CPA6: variants seen among roughly 807,000 people sequenced by gnomAD.
The protein encoded by CPA6 is carboxypeptidase B.
CPA6 carries 58 observed loss-of-function variants against 63.3 expected under a neutral mutation model. The observed-to-expected ratio is 0.92, with a 90% CI of 0.74 to 1.14. The LOEUF is 1.14. CPA6 is among the 50% of genes most tolerant of loss of function. CPA6 has a pLI of 0.00. For synonymous variants in CPA6, 185 were observed against 179.0 expected, an observed-to-expected ratio of 1.03 and a Z score of -0.27; for missense variants, 565 against 526.6, an observed-to-expected ratio of 1.07 and a Z score of -0.71.
At chr8:67,558,304 T>C (rs936436531) in intron 2 of CPA6, among the ~76,000 whole-genome samples, 2 of 152,184 alleles carry the variant, frequency 1.3e-5, no homozygotes, top group African/African-American at 4.8e-5. Context: ...ATATAATCCG[T>C]TTATTTCTTT....
At chr8:67,669,252 CAG>C (rs78347052) in intron 1 of CPA6, among the ~76,000 whole-genome samples, 7,861 of 152,232 alleles carry the variant, frequency 0.052, 210 homozygotes, top group African/African-American at 0.068. Flanking sequence ...CTTTTATTAC[CAG>C]AGACTGTAAC....
intron 8 of CPA6, among the ~76,000 whole-genome samples, chr8:67,435,006 G>A (rs1383204958): frequency 6.6e-6 from 1 of 152,194 alleles, no homozygotes; most frequent in Non-Finnish European, 1.5e-5. Flanking sequence ...GAGAGCTCCT[G>A]GTGTCAAGGA....
chr8:67,733,235 T>C (rs1817748819), intron 1 of CPA6, among the ~76,000 whole-genome samples: 1 of 131,050 alleles, frequency 7.6e-6, no homozygotes, highest in Non-Finnish European at 1.6e-5. Flanking sequence ...TAAAAAAATT[T>C]AGCGTCTATC....
intron 8 of CPA6, among the ~76,000 whole-genome samples, chr8:67,434,774 C>A (rs1326336285): frequency 6.6e-6 from 1 of 152,238 alleles, no homozygotes; most frequent in Non-Finnish European, 1.5e-5. Context: ...CCTTCCTCAG[C>A]CTGTCGGGAG....
intron 1 of CPA6, among the ~76,000 whole-genome samples, chr8:67,645,721 G>A (rs1462808737): frequency 6.6e-6 from 1 of 152,104 alleles, no homozygotes; most frequent in Non-Finnish European, 1.5e-5. Context: ...TTATTGTGTT[G>A]GAACAAATAT....
At chr8:67,445,283 A>C (rs1810386667) in intron 8 of CPA6, among the ~76,000 whole-genome samples, 1 of 152,164 alleles carries the variant, frequency 6.6e-6, no homozygotes, top group Admixed American at 6.5e-5. Flanking sequence ...GTATAGATGA[A>C]AAAAGAAAAA....
At chr8:67,723,422 C>T (rs1252031413) in intron 1 of CPA6, among the ~76,000 whole-genome samples, 1 of 152,176 alleles carries the variant, frequency 6.6e-6, no homozygotes, top group Non-Finnish European at 1.5e-5. Flanking sequence ...CCTCTTTGGC[C>T]TCCCAAAGTG....
Position 67,746,197 on chromosome 8 carries a change from C to A in CPA6, c.-68G>T. ...CCGAGGCTGGAGGTGGCTCACAGCA[C>A]CCTCTACACACCGCACAGGTTCTCC... On this transcript the variant is annotated 5_prime_UTR_variant, in exon 1 of 11. Transcript: ENST00000297770. 1.8e-6 allele frequency: 2 copies of A among 1,138,698 alleles called. No individual in the cohort carries two copies. The highest frequency in any genetic ancestry group is 2.6e-6 in the Non-Finnish European group (2 of 776,532). 70.5% of individuals were successfully genotyped at this position (1,138,698 alleles called of 1,614,324 possible). A position where few individuals can be genotyped will look rare whatever the true frequency, so the allele number is the denominator to read the frequency against.
At chr8:67,623,368 G>A (rs1476593292) in intron 2 of CPA6, among the ~76,000 whole-genome samples, 1 of 151,964 alleles carries the variant, frequency 6.6e-6, no homozygotes, top group East Asian at 1.9e-4. Context: ...ATTCTACCTT[G>A]GAGATGGGTA....
chr8:67,455,779 A>G (rs983965740), intron 8 of CPA6, among the ~76,000 whole-genome samples: 1 of 150,382 alleles, frequency 6.6e-6, no homozygotes, highest in Non-Finnish European at 1.5e-5. Context: ...GCTGGAGTGC[A>G]GTGGTGTAAT....
At chr8:67,525,423 C>T (rs931426580) in intron 2 of CPA6, among the ~76,000 whole-genome samples, 1 of 152,182 alleles carries the variant, frequency 6.6e-6, no homozygotes, top group Admixed American at 6.5e-5. Context: ...CAAATGAAAG[C>T]ATTGCTTAAG....
chr8:67,624,307 C>A, intron 1 of CPA6, 56 bp from the exon 2 acceptor site: 1 of 964,530 alleles, frequency 1.0e-6, no homozygotes, highest in Non-Finnish European at 1.6e-6. Flanking sequence ...AGATATTAGT[C>A]ATCTCTTTCT....
At chr8:67,527,970 C>T (rs1812399894) in intron 2 of CPA6, among the ~76,000 whole-genome samples, 1 of 152,194 alleles carries the variant, frequency 6.6e-6, no homozygotes, top group African/African-American at 2.4e-5. Context: ...ATGGTTCTGT[C>T]TCTCAGCTGT....
chr8:67,426,258 C>T (rs532703968), intron 10 of CPA6, among the ~76,000 whole-genome samples: 15 of 152,196 alleles, frequency 9.9e-5, no homozygotes, highest in Admixed American at 2.6e-4. Flanking sequence ...CGTGAGCCGC[C>T]GCATCCGGCC....
chr8:67,428,132 C>G lies in CPA6; in HGVS notation c.1042-1G>C. ...TCACAGCTTTATAAGCTGCAGATTC[C>G]TATGAGGGAAAATGGGGAAATTTTA... On this transcript the variant is annotated splice_acceptor_variant, in intron 9 of 10. Coordinates refer to ENST00000297770, the MANE Select transcript of CPA6 (RefSeq NM_020361.5). LOFTEE classifies it high-confidence loss of function. The G allele has an allele frequency of 6.2e-7, 1 of 1,602,796 alleles. No homozygotes were observed. The highest frequency in any genetic ancestry group is 8.5e-7 in the Non-Finnish European group (1 of 1,170,248).
At chr8:67,478,457 G>A (rs1418795260) in intron 8 of CPA6, among the ~76,000 whole-genome samples, 1 of 152,156 alleles carries the variant, frequency 6.6e-6, no homozygotes, top group East Asian at 1.9e-4. Flanking sequence ...GTCACAAGCT[G>A]GCATTTGTAA....
chr8:67,588,984 G>T (rs886439603), intron 2 of CPA6, among the ~76,000 whole-genome samples: 1 of 152,006 alleles, frequency 6.6e-6, no homozygotes, highest in African/African-American at 2.4e-5. Context: ...GGGCATGGTC[G>T]TTCATGCCTG....
chr8:67,554,215 G>A (rs1156799761), intron 2 of CPA6, among the ~76,000 whole-genome samples: 6 of 152,076 alleles, frequency 3.9e-5, no homozygotes, highest in Non-Finnish European at 7.4e-5. Flanking sequence ...ATTGGCTCAC[G>A]ATTCTGCAGG....
Position 67,526,829 on chromosome 8 carries a change from A to C in CPA6, c.193-8782T>G, listed in dbSNP as rs1055585386. On this transcript the variant is annotated intron_variant, in intron 2 of 10. Coordinates refer to ENST00000297770, the MANE Select transcript of CPA6 (RefSeq NM_020361.5). Reference sequence around the variant, plus strand: ...CATATAAAAGAGCCAATACCACCTTAGTTCCTGCCCTCTGAGTGAACATTA... The same window carrying C: ...CATATAAAAGAGCCAATACCACCTTCGTTCCTGCCCTCTGAGTGAACATTA... Among the ~76,000 whole-genome samples the C allele has an allele frequency of 2.0e-5, 3 of 152,160 alleles. No individual in the cohort carries two copies. The South Asian group carries it at 6.2e-4, about 32-fold the overall frequency.
Sources: gnomAD v4.1 joint callset for allele counts (sites outside exome capture counted in the v4.1 genomes callset) on GRCh38, gnomAD v4.1.1 for gene constraint, MANE v1.5 for transcripts, NCBI Gene and HGNC (gene_info 2026-07-23, HGNC 2026-07-21) for gene names.